BLOC1S2: variants seen among roughly 807,000 people sequenced by gnomAD.
BLOC1S2 encodes the protein biogenesis of lysosome-related organelles complex 1 subunit 2.
In BLOC1S2, 12 loss-of-function variants were observed where a neutral mutation model predicts 19.6. The observed-to-expected ratio is 0.61, with a 90% CI of 0.39 to 0.99. The LOEUF is 0.99. BLOC1S2 is among the 50% of genes least tolerant of loss of function. BLOC1S2 has a pLI of 0.00. For synonymous variants in BLOC1S2, 66 were observed against 64.1 expected (o/e 1.03, Z -0.14); for missense variants, 142 against 171.0 (o/e 0.83, Z 0.95).
chr10:100,277,346 C>CCCGGTCAGCCCCCT (rs1451321930), intron 4 of BLOC1S2, among the ~76,000 whole-genome samples: 1 of 134,734 alleles, frequency 7.4e-6, no homozygotes, highest in Non-Finnish European at 1.7e-5. Flanking sequence ...GTCAGCCCCC[C>CCCGGTCAGCCCCCT]GCCCGGCCAG....
intron 2 of BLOC1S2, among the ~76,000 whole-genome samples, chr10:100,285,467 G>A (rs1027047225): frequency 5.3e-5 from 8 of 152,132 alleles, no homozygotes; most frequent in Non-Finnish European, 8.8e-5. Flanking sequence ...TCGCCATTTT[G>A]CCCAGGCTGG....
chr10:100,285,623 A>C (rs1196398204), intron 2 of BLOC1S2, among the ~76,000 whole-genome samples: 1 of 152,218 alleles, frequency 6.6e-6, no homozygotes, highest in South Asian at 2.1e-4. Flanking sequence ...AACACTAGTC[A>C]TGTCCCAAAG....
At chr10:100,277,790 G>A (rs533379215) in intron 4 of BLOC1S2, among the ~76,000 whole-genome samples, 1 of 131,308 alleles carries the variant, frequency 7.6e-6, no homozygotes, top group East Asian at 2.4e-4. Context: ...TGGGAAGTGA[G>A]GAGCCCCTCT....
chr10:100,277,050 G>C (rs1174218091), intron 4 of BLOC1S2, among the ~76,000 whole-genome samples: 4 of 151,316 alleles, frequency 2.6e-5, no homozygotes, highest in African/African-American at 9.7e-5. Flanking sequence ...TCCCACCTGG[G>C]AAGTGAGGAG....
At chr10:100,278,559 G>A (rs567726716) in intron 4 of BLOC1S2, among the ~76,000 whole-genome samples, 22 of 152,110 alleles carry the variant, frequency 1.4e-4, no homozygotes, top group African/African-American at 5.3e-4. Flanking sequence ...TCTGAAACAT[G>A]TGCTGTGTCC....
At chr10:100,276,615 C>T (rs1402988239) in intron 4 of BLOC1S2, among the ~76,000 whole-genome samples, 1 of 150,906 alleles carries the variant, frequency 6.6e-6, no homozygotes, top group Admixed American at 6.6e-5. Flanking sequence ...GATTCTCCTG[C>T]CTCAGCCTGC....
chr10:100,278,140 A>T (rs1254967992), intron 4 of BLOC1S2, among the ~76,000 whole-genome samples: 1 of 87,174 alleles, frequency 1.1e-5, no homozygotes, highest in African/African-American at 4.8e-5. Flanking sequence ...CCGGCCAGCC[A>T]CCCCGTCTGG....
At position 100,281,805 on chromosome 10, in the gene BLOC1S2, T is replaced by C. The variant is rs149644049; in HGVS notation, c.173-752A>G. Among the ~76,000 whole-genome samples, 31 of 152,110 alleles carry C rather than the reference T, an allele frequency of 2.0e-4. No individual in the cohort carries two copies. In the South Asian group the frequency reaches 2.7e-3, roughly 13 times the overall value. ...GTTTATTACCATGTATAATTCTATA[T>C]TGCATTTTATGCAGTGACATTTCCA... On this transcript the variant is annotated intron_variant, in intron 2 of 4. Transcript: ENST00000370372.
intron 4 of BLOC1S2, among the ~76,000 whole-genome samples, chr10:100,278,835 C>T (rs1848021029): frequency 6.6e-6 from 1 of 151,180 alleles, no homozygotes; most frequent in Admixed American, 6.6e-5. Context: ...CCTGTGATTC[C>T]AGCTACTTGA....
At chr10:100,283,871 C>T (rs1440103156) in intron 2 of BLOC1S2, among the ~76,000 whole-genome samples, 6 of 151,936 alleles carry the variant, frequency 3.9e-5, no homozygotes, top group East Asian at 1.9e-4. Context: ...GCGAAAACTC[C>T]GTCTAAATAA....
At position 100,281,055 on chromosome 10, in the gene BLOC1S2, T is replaced by C; in HGVS notation, c.173-2A>G. 6.2e-7 allele frequency: 1 copy of C among 1,612,036 alleles called. No individual in the cohort carries two copies. The highest frequency in any genetic ancestry group is 1.1e-5 in the South Asian group (1 of 90,734). ...GGAGCTTATAGTCTTCACTGGTGGC[T>C]TGAAAATTAAACAGAAGATGTAATG... On this transcript the variant is annotated splice_acceptor_variant, in intron 2 of 4. Coordinates refer to ENST00000370372, the MANE Select transcript of BLOC1S2 (RefSeq NM_173809.5). LOFTEE classifies it high-confidence loss of function.
At chr10:100,281,719 C>T (rs1313619942) in intron 2 of BLOC1S2, among the ~76,000 whole-genome samples, 1 of 148,684 alleles carries the variant, frequency 6.7e-6, no homozygotes, top group African/African-American at 2.5e-5. Context: ...CATACACACA[C>T]ACACACACAC....
intron 4 of BLOC1S2, among the ~76,000 whole-genome samples, chr10:100,277,557 G>A (rs1847939989): frequency 8.1e-6 from 1 of 123,856 alleles, no homozygotes. Context: ...AGGGAGGTGG[G>A]GGGGTCAGCC....
Position 100,286,124 on chromosome 10 carries a change from C to T in BLOC1S2, c.145G>A (p.Ala49Thr). The change falls in exon 2 of 5, where the codon GCC becomes ACC. Residue 49 changes from alanine (A) to threonine (T), a missense_variant. Physicochemically the swap from Ala to Thr is moderately conservative, Grantham distance 58 (BLOSUM62 0). Around this residue, in one of 2 missense-constraint regions of BLOC1S2, gnomAD observed 94 missense variants for 141.3 expected, o/e 0.67. Coordinates refer to ENST00000370372, the MANE Select transcript of BLOC1S2 (RefSeq NM_173809.5). ...ELCRDMFSKM[A>T]TYLTGELTAT... The stretch of plus-strand genomic sequence containing the variant: ...GTCAGTTCCCCAGTCAGGTAAGTGG[C>T]CATTTTGGAGAACATGTCCCGGCAG... The T allele has an allele frequency of 6.2e-7, 1 of 1,614,064 alleles. No homozygotes were observed. The highest frequency in any genetic ancestry group is 8.5e-7 in the Non-Finnish European group (1 of 1,179,982).
At position 100,275,032 on chromosome 10, in the gene BLOC1S2, G is replaced by A; in HGVS notation, c.*430C>T. ...TGTTTTGTTTTCCTTTTTAAATTTA[G>A]AATCTTGTTTACAACACATTAGCAT... On this transcript the variant is annotated 3_prime_UTR_variant, in exon 5 of 5. Coordinates refer to ENST00000370372, the MANE Select transcript of BLOC1S2 (RefSeq NM_173809.5). 1 of 398,996 alleles carries A rather than the reference G, an allele frequency of 2.5e-6. No homozygotes were observed. The highest frequency in any genetic ancestry group is 4.4e-6 in the Non-Finnish European group (1 of 226,140). 24.7% of individuals were successfully genotyped at this position (398,996 alleles called of 1,614,324 possible).
At chr10:100,285,347 C>T (rs1248535649) in intron 2 of BLOC1S2, among the ~76,000 whole-genome samples, 1 of 152,110 alleles carries the variant, frequency 6.6e-6, no homozygotes, top group Admixed American at 6.6e-5. Flanking sequence ...CTGCAACCTC[C>T]ACCTCCTGGG....
chr10:100,281,693 A>AAAAATAT (rs71013438), intron 2 of BLOC1S2, among the ~76,000 whole-genome samples: 15 of 138,882 alleles, frequency 1.1e-4, no homozygotes, highest in African/African-American at 3.4e-4. Context: ...AAAAAAAAAA[A>AAAAATAT]ATATATATAT....
rs576800034 is a variant in BLOC1S2 at position 100,274,298 on chromosome 10, G to C, written c.*1164C>G. 1 of 138,574 alleles carries C rather than the reference G, an allele frequency of 7.2e-6. No homozygotes were observed. Among genetic ancestry groups the C allele is most frequent in the South Asian group, 2.1e-4 (1 of 4,678 alleles). 8.6% of individuals were successfully genotyped at this position (138,574 alleles called of 1,614,324 possible). A position where few individuals can be genotyped will look rare whatever the true frequency, so the allele number is the denominator to read the frequency against. ...GACTTGTATGCATAATGAAAGTCTAGATTTTTCAGAGGCCATGATAAGTCA... is the reference window on the plus strand; with the variant it reads ...GACTTGTATGCATAATGAAAGTCTACATTTTTCAGAGGCCATGATAAGTCA... On this transcript the variant is annotated 3_prime_UTR_variant, in exon 5 of 5. Coordinates refer to ENST00000370372, the MANE Select transcript of BLOC1S2 (RefSeq NM_173809.5).
At chr10:100,277,327 G>T (rs1847918929) in intron 4 of BLOC1S2, among the ~76,000 whole-genome samples, 1 of 151,896 alleles carries the variant, frequency 6.6e-6, no homozygotes, top group African/African-American at 2.4e-5. Context: ...GGCCGGGAGG[G>T]AGGTGGGGGT....
Sources: allele counts gnomAD v4.1 joint callset (sites outside exome capture counted in the v4.1 genomes callset), GRCh38; gene constraint gnomAD v4.1.1; regional missense constraint gnomAD v4.1.1; transcripts MANE v1.5; gene names NCBI Gene and HGNC (gene_info 2026-07-23, HGNC 2026-07-21).